Variants in CNTNAP2 observed in about 807,000 individuals in gnomAD.
The protein encoded by CNTNAP2 is contactin-associated protein-like 2.
A neutral mutation model predicts 155.2 loss-of-function variants in CNTNAP2; 98 were observed. The ratio of observed to expected loss-of-function variants is 0.63; its 90% CI spans 0.54 to 0.75. The LOEUF is 0.75. Ranked by LOEUF, CNTNAP2 falls within the 30% of genes least tolerant of loss-of-function variation. The probability of loss-of-function intolerance (pLI) is 0.00; values close to 1 mark genes in which losing one functional copy is unlikely to be tolerated. For missense variants in CNTNAP2, 1,727 were observed against 1,688.1 expected (o/e 1.02, Z -0.40); for synonymous variants, 651 against 631.2 (o/e 1.03, Z -0.47).
intron 18 of CNTNAP2, among the ~76,000 whole-genome samples, chr7:148,212,808 G>A (rs2116749032): frequency 6.6e-6 from 1 of 152,300 alleles, no homozygotes; most frequent in South Asian, 2.1e-4. Flanking sequence ...TCTGCCACTT[G>A]GAGCCTTAGA....
intron 20 of CNTNAP2, among the ~76,000 whole-genome samples, chr7:148,248,164 A>G (rs1368804144): frequency 1.3e-5 from 2 of 151,014 alleles, no homozygotes; most frequent in African/African-American, 4.9e-5. Flanking sequence ...TCAAATTTCT[A>G]TTTCTATAAA....
rs1563024633 is a variant in CNTNAP2, at chr7:148,283,263, G to GA, written c.3475+16140dup. The stretch of plus-strand genomic sequence containing the variant: ...TCAAAAAAAAAAAAAAAAAAAGAAA[G>GA]AAAGAAAGAAAGAAAGAAAGAAAGA... On this transcript the variant is annotated intron_variant, in intron 21 of 23. Coordinates refer to ENST00000361727, the MANE Select transcript of CNTNAP2 (RefSeq NM_014141.6). Among the ~76,000 whole-genome samples, 51 of 37,656 alleles carry GA rather than the reference G, an allele frequency of 1.4e-3. 1 individual carries two copies. The highest frequency in any genetic ancestry group is 3.4e-3 in the South Asian group (3 of 888). The allele number at this position is 37,656 out of a possible 152,430, so 24.7% of individuals were successfully genotyped here.
At chr7:146,681,279 G>C (rs1353251470) in intron 1 of CNTNAP2, among the ~76,000 whole-genome samples, 1 of 150,730 alleles carries the variant, frequency 6.6e-6, no homozygotes, top group Non-Finnish European at 1.5e-5. Flanking sequence ...TTGGGAGACA[G>C]GAGGGGTTGG....
chr7:147,775,873 G>A (rs1417969436), intron 13 of CNTNAP2, among the ~76,000 whole-genome samples: 1 of 152,116 alleles, frequency 6.6e-6, no homozygotes, highest in East Asian at 1.9e-4. Flanking sequence ...GGAATAGTTT[G>A]GGAAGTGATG....
rs530224613 is a variant in CNTNAP2 at position 147,757,089 on chromosome 7, A to G, written c.2098+117783A>G. Among the ~76,000 whole-genome samples, 8 of 152,250 alleles carry G rather than the reference A, an allele frequency of 5.3e-5. No individual in the cohort carries two copies. In the South Asian group the frequency reaches 1.7e-3, roughly 32 times the overall value. Reference sequence around the variant, plus strand: ...AATAATGTCACCCTACCTGTTTTTAATATTTGAGAATGGACACAAGCAAGG... The same window carrying G: ...AATAATGTCACCCTACCTGTTTTTAGTATTTGAGAATGGACACAAGCAAGG... On this transcript the variant is annotated intron_variant, in intron 13 of 23. Coordinates refer to ENST00000361727, the MANE Select transcript of CNTNAP2 (RefSeq NM_014141.6).
chr7:147,457,335 C>T (rs571201106), intron 10 of CNTNAP2, among the ~76,000 whole-genome samples: 3 of 152,242 alleles, frequency 2.0e-5, no homozygotes, highest in Non-Finnish European at 4.4e-5. Context: ...ACTCAATGTG[C>T]TTCCATTTTG....
intron 2 of CNTNAP2, among the ~76,000 whole-genome samples, chr7:146,832,570 CTAATA>C (rs935638840): frequency 5.5e-4 from 81 of 146,408 alleles, no homozygotes; most frequent in African/African-American, 1.9e-3. Context: ...GATATTTAAT[CTAATA>C]TATTAATATT....
chr7:147,307,318 C>T (rs144528046), intron 9 of CNTNAP2, among the ~76,000 whole-genome samples: 1,640 of 152,308 alleles, frequency 0.011, 31 homozygotes, highest in African/African-American at 0.038. Context: ...GGCATGGTGG[C>T]TCAAGCCTGT....
At chr7:148,402,685 C>T (rs553470257) in intron 22 of CNTNAP2, among the ~76,000 whole-genome samples, 4 of 152,190 alleles carry the variant, frequency 2.6e-5, no homozygotes, top group East Asian at 1.9e-4. Flanking sequence ...TCATCTCGCC[C>T]GGACCCACTG....
intron 1 of CNTNAP2, among the ~76,000 whole-genome samples, chr7:146,186,855 A>G (rs2116845263): frequency 6.6e-6 from 1 of 152,218 alleles, no homozygotes; most frequent in East Asian, 1.9e-4. Flanking sequence ...ATTTTCATTA[A>G]TTTTATGCTA....
intron 10 of CNTNAP2, among the ~76,000 whole-genome samples, chr7:147,467,473 G>C (rs1798140498): frequency 6.6e-6 from 1 of 152,252 alleles, no homozygotes; most frequent in East Asian, 1.9e-4. Context: ...TTATAAGTTA[G>C]AGCTAAATGA....
chr7:146,472,911 A>G (rs948139266), intron 1 of CNTNAP2, among the ~76,000 whole-genome samples: 1 of 149,938 alleles, frequency 6.7e-6, no homozygotes, highest in African/African-American at 2.5e-5. Context: ...TTTTCATTTT[A>G]AATGTAATGG....
intron 1 of CNTNAP2, among the ~76,000 whole-genome samples, chr7:146,545,679 C>T (rs1798019358): frequency 6.6e-6 from 1 of 151,794 alleles, no homozygotes; most frequent in African/African-American, 2.4e-5. Context: ...AGTCAGGAAA[C>T]AACAGATGCT....
At chr7:146,442,042 A>T (rs573112095) in intron 1 of CNTNAP2, among the ~76,000 whole-genome samples, 2 of 151,518 alleles carry the variant, frequency 1.3e-5, no homozygotes, top group South Asian at 4.2e-4. Flanking sequence ...CTTCTCTTGG[A>T]GGAGTACTTT....
chr7:146,671,738 T>G (rs1212648223), intron 1 of CNTNAP2, among the ~76,000 whole-genome samples: 1 of 152,150 alleles, frequency 6.6e-6, no homozygotes, highest in African/African-American at 2.4e-5. Flanking sequence ...ATATTTCTCC[T>G]TCCATTTTAG....
intron 1 of CNTNAP2, among the ~76,000 whole-genome samples, chr7:146,695,494 A>G (rs1362194155): frequency 1.3e-5 from 2 of 152,124 alleles, no homozygotes; most frequent in Non-Finnish European, 2.9e-5. Context: ...AGCTCACTGC[A>G]GCCTCTACCT....
intron 9 of CNTNAP2, among the ~76,000 whole-genome samples, chr7:147,314,259 G>C (rs1032187317): frequency 4.6e-5 from 7 of 152,004 alleles, no homozygotes; most frequent in African/African-American, 9.7e-5. Flanking sequence ...TGGGATTGAG[G>C]GTCCGGGAAT....
chr7:147,908,969 C>T (rs1208914335), intron 14 of CNTNAP2, among the ~76,000 whole-genome samples: 1 of 152,114 alleles, frequency 6.6e-6, no homozygotes, highest in East Asian at 1.9e-4. Flanking sequence ...CTTCCCAAGT[C>T]ATGTAAGGAT....
intron 15 of CNTNAP2, among the ~76,000 whole-genome samples, chr7:147,981,819 T>TGTGTGTGG (rs1404450002): frequency 4.4e-5 from 5 of 113,744 alleles, no homozygotes; most frequent in African/African-American, 1.3e-4. Flanking sequence ...GTGTGTGTGG[T>TGTGTGTGG]TTTTTTTTTC....
Sources: gnomAD v4.1 joint callset for allele counts (sites outside exome capture counted in the v4.1 genomes callset) on GRCh38, gnomAD v4.1.1 for gene constraint, MANE v1.5 for transcripts, NCBI Gene and HGNC (gene_info 2026-07-23, HGNC 2026-07-21) for gene names.